The following TENM2 variants were observed in gnomAD, a reference collection of about 807,000 sequenced individuals.
The protein encoded by TENM2 is teneurin transmembrane protein 2.
In TENM2, 52 loss-of-function variants were observed where a neutral mutation model predicts 245.2. That is an observed-to-expected ratio of 0.21 (90% CI 0.17 to 0.27). The LOEUF is 0.27. TENM2 is among the 10% of genes least tolerant of loss of function. The pLI is 1.00. For synonymous variants in TENM2, 1,363 were observed against 1,438.9 expected (o/e 0.95, Z 1.19); for missense variants, 3,046 against 3,666.8 (o/e 0.83, Z 4.37).
chr5:167,803,955 A>T (rs1486903620), intron 2 of TENM2, among the ~76,000 whole-genome samples: 2 of 152,112 alleles, frequency 1.3e-5, no homozygotes, highest in African/African-American at 4.8e-5. Flanking sequence ...CCTGAATCTG[A>T]AATTTTCAAT....
intron 5 of TENM2, among the ~76,000 whole-genome samples, chr5:168,013,628 A>AAAC (rs1463319414): frequency 6.6e-6 from 1 of 151,932 alleles, no homozygotes; most frequent in Non-Finnish European, 1.5e-5. Context: ...AAACAAAACA[A>AAAC]AACAAAAAGC....
the TENM2 span, among the ~76,000 whole-genome samples, chr5:167,181,573 G>T: frequency 1.3e-5 from 2 of 149,708 alleles, no homozygotes; most frequent in East Asian, 4.1e-4. Flanking sequence ...GTTGTGTAAA[G>T]CACGCAATAT....
the TENM2 span, among the ~76,000 whole-genome samples, chr5:167,077,661 A>C: frequency 2.0e-5 from 3 of 152,198 alleles, no homozygotes; most frequent in Non-Finnish European, 2.9e-5. Flanking sequence ...CTTATGCTGA[A>C]GTGAGAATAG....
At chr5:166,999,383 A>T in the TENM2 span, among the ~76,000 whole-genome samples, 5 of 152,192 alleles carry the variant, frequency 3.3e-5, no homozygotes, top group Non-Finnish European at 7.3e-5. Context: ...CTTTTAGGGG[A>T]CAAATACCAG....
intron 13 of TENM2, among the ~76,000 whole-genome samples, chr5:168,169,417 G>T (rs1225789899): frequency 1.3e-5 from 2 of 152,184 alleles, no homozygotes; most frequent in Admixed American, 6.5e-5. Context: ...CGTGGATCCT[G>T]GCCTGAGCTC....
chr5:168,228,200 A>C (rs1204888548), intron 25 of TENM2, 70 bp downstream of exon 27: 6 of 1,307,208 alleles, frequency 4.6e-6, no homozygotes, highest in Non-Finnish European at 6.5e-6. Flanking sequence ...AGAGCTGAGA[A>C]AGTTTCTCTG....
At chr5:167,124,458 C>T in the TENM2 span, among the ~76,000 whole-genome samples, 1 of 152,242 alleles carries the variant, frequency 6.6e-6, no homozygotes, top group East Asian at 1.9e-4. Flanking sequence ...TATATAAAAC[C>T]TTGCCCATTG....
chr5:168,194,993 G>A (rs573473817), intron 14 of TENM2, among the ~76,000 whole-genome samples, 183 bp from the exon 17 acceptor site: 15 of 152,314 alleles, frequency 9.8e-5, no homozygotes, highest in Admixed American at 7.2e-4. Context: ...TCAGTGACGG[G>A]AGATGCTGCC....
chr5:167,601,420 G>A (rs1184524159), intron 2 of TENM2, among the ~76,000 whole-genome samples: 1 of 152,204 alleles, frequency 6.6e-6, no homozygotes, highest in African/African-American at 2.4e-5. Flanking sequence ...GGACAATGCT[G>A]GTCTACAATG....
At chr5:168,034,049 G>A (rs190219543) in intron 5 of TENM2, among the ~76,000 whole-genome samples, 5,137 of 123,854 alleles carry the variant, frequency 0.041, 295 homozygotes, top group African/African-American at 0.12. Context: ...ATATGTGTGT[G>A]TATATATATA....
chr5:167,965,380 T>C (rs1200586464), intron 4 of TENM2: 1 of 152,182 alleles, frequency 6.6e-6, no homozygotes, highest in African/African-American at 2.4e-5. Flanking sequence ...ATAGCATATG[T>C]AGTATATCCA....
chr5:168,244,603 G>A lies in TENM2; in HGVS notation c.5704G>A (p.Ala1902Thr). ...GTCATACTTCTTCAATGGGCGCCTG[G>A]CTGGGCTTCAGCGTGGGGCCATGAG... The change falls in exon 26 of 29, where the codon GCT becomes ACT. Residue 1902 changes from alanine (A) to threonine (T), a missense_variant. Physicochemically the swap from Ala to Thr is moderately conservative, Grantham distance 58 (BLOSUM62 0). Around this residue, in one of 2 missense-constraint regions of TENM2, gnomAD observed 2,704 missense variants for 3,331.9 expected, o/e 0.81. Transcript: ENST00000518659. This position sits in a 1 kb window ranked among gnomAD's most constrained non-coding sequence, Gnocchi z 4.9. 1 of 1,606,122 alleles carries A rather than the reference G, an allele frequency of 6.2e-7. No homozygotes were observed. The highest frequency in any genetic ancestry group is 8.5e-7 in the Non-Finnish European group (1 of 1,174,766).
At chr5:167,391,515 C>T (rs1761749565) in intron 2 of TENM2, among the ~76,000 whole-genome samples, 1 of 150,898 alleles carries the variant, frequency 6.6e-6, no homozygotes. Flanking sequence ...ATCACAGCTA[C>T]TCGAGTGGCT....
At chr5:167,459,595 T>G (rs1264350924) in intron 2 of TENM2, among the ~76,000 whole-genome samples, 2 of 152,208 alleles carry the variant, frequency 1.3e-5, no homozygotes, top group African/African-American at 4.8e-5. Context: ...CGTCATACTA[T>G]TTTCCATACT....
chr5:167,051,792 T>G, the TENM2 span, among the ~76,000 whole-genome samples: 88 of 152,070 alleles, frequency 5.8e-4, no homozygotes, highest in East Asian at 0.017. Flanking sequence ...ACAAATTAGT[T>G]TTTTAAAATT....
intron 4 of TENM2, among the ~76,000 whole-genome samples, chr5:167,985,929 T>C (rs1251699568): frequency 1.3e-5 from 2 of 152,240 alleles, no homozygotes; most frequent in Non-Finnish European, 2.9e-5. Context: ...CAGCCTCCGC[T>C]TCTCAAAGCT....
At position 167,491,663 on chromosome 5, in the gene TENM2, T is replaced by C. The variant is rs554221386; in HGVS notation, c.502+116190T>C. ...TCTTCTGGTCTTTCTTTTGTTTTGC[T>C]ATATACCTACACTGTTGTCAAGGAT... On this transcript the variant is annotated intron_variant, in intron 2 of 28. Transcript: ENST00000518659. Among the ~76,000 whole-genome samples the C allele has an allele frequency of 4.6e-5, 7 of 152,320 alleles. No individual in the cohort carries two copies. In the South Asian group the frequency reaches 1.4e-3, roughly 32 times the overall value.
chr5:167,069,054 A>G, the TENM2 span, among the ~76,000 whole-genome samples: 1 of 152,158 alleles, frequency 6.6e-6, no homozygotes, highest in Admixed American at 6.5e-5. Flanking sequence ...TGAAATATGT[A>G]TTTTTATTCA....
the TENM2 span, among the ~76,000 whole-genome samples, chr5:167,105,695 C>T: frequency 6.0e-5 from 9 of 150,424 alleles, no homozygotes; most frequent in Middle Eastern, 3.4e-3. Flanking sequence ...GAGACCATCC[C>T]GGCTAAAACG....
Sources: gnomAD v4.1 joint callset for allele counts (sites outside exome capture counted in the v4.1 genomes callset) on GRCh38, gnomAD v4.1.1 for gene constraint, gnomAD v4.1.1 regional missense constraint, Gnocchi (gnomAD v3.1) non-coding constraint, MANE v1.5 for transcripts, NCBI Gene and HGNC (gene_info 2026-07-23, HGNC 2026-07-21) for gene names.